MED24: variants seen among roughly 807,000 people sequenced by gnomAD.
MED24 encodes mediator complex subunit 24.
In MED24, 74 loss-of-function variants were observed where a neutral mutation model predicts 118.8. The ratio of observed to expected loss-of-function variants is 0.62; its 90% CI spans 0.52 to 0.76. The LOEUF is 0.76. MED24 is among the 30% of genes least tolerant of loss of function. MED24 has a pLI of 0.00. For synonymous variants in MED24, 521 were observed against 523.9 expected, an observed-to-expected ratio of 0.99 and a Z score of 0.08; for missense variants, 1,041 against 1,278.9, an observed-to-expected ratio of 0.81 and a Z score of 2.84.
At chr17:40,025,511 G>A (rs969015451) in intron 19 of MED24, among the ~76,000 whole-genome samples, 2 of 152,114 alleles carry the variant, frequency 1.3e-5, no homozygotes, top group African/African-American at 4.8e-5. Flanking sequence ...AAAGTAAAAT[G>A]GTAGTTACCA....
chr17:40,050,243 G>A (rs150580742), intron 3 of MED24, among the ~76,000 whole-genome samples: 1 of 151,164 alleles, frequency 6.6e-6, no homozygotes, highest in African/African-American at 2.4e-5. Flanking sequence ...GAGGTCAGGA[G>A]TTCGAGACCA....
At chr17:40,034,177 A>T (rs1033038087) in intron 6 of MED24, among the ~76,000 whole-genome samples, 19 of 152,188 alleles carry the variant, frequency 1.2e-4, no homozygotes, top group Non-Finnish European at 2.4e-4. Context: ...CATGGAGCAT[A>T]AAAGGGGGAA....
In MED24 at chr17:40,022,733, C is replaced by T; in HGVS notation, c.2344G>A (p.Val782Ile). 6.2e-7 allele frequency: 1 copy of T among 1,613,874 alleles called. No individual in the cohort carries two copies. ...CCAGGTAGGATGTGGCCCAGCAGGA[C>T]CAGGGTCACTTGCTGCATGTCCAGG... Reference protein sequence around the residue: ...FCLDMQQVTLVLLGHILPGLL... With the variant: ...FCLDMQQVTLILLGHILPGLL... Residue 782 changes from valine to isoleucine, a missense_variant, in exon 21 of 26, where the codon GTC (valine) becomes ATC (isoleucine). Around this residue, in one of 3 missense-constraint regions of MED24, gnomAD observed 587 missense variants for 694.4 expected, o/e 0.85. Coordinates refer to ENST00000394128, the MANE Select transcript of MED24 (RefSeq NM_014815.4).
At chr17:40,054,008 T>G in intron 1 of MED24, 1 of 290,550 alleles carries the variant, frequency 3.4e-6, no homozygotes, top group Non-Finnish European at 6.6e-6. Context: ...TGCATGCCTG[T>G]AATCCCAGCT....
chr17:40,021,359 A>G (rs1940252151), intron 23 of MED24: 1 of 152,332 alleles, frequency 6.6e-6, no homozygotes, highest in African/African-American at 2.4e-5. Context: ...TTGGTCCCCT[A>G]GTTCCTAAAA....
intron 1 of MED24, chr17:40,053,925 G>A (rs1986090700): frequency 3.6e-6 from 2 of 555,490 alleles, no homozygotes; most frequent in South Asian, 4.3e-5. Flanking sequence ...GAGGTCAGGA[G>A]TTCGAGACTA....
intron 3 of MED24, among the ~76,000 whole-genome samples, chr17:40,040,620 TTTTC>T (rs1984460097): frequency 6.6e-6 from 1 of 151,256 alleles, no homozygotes; most frequent in Non-Finnish European, 1.5e-5. Flanking sequence ...TTTAATTTTA[TTTTC>T]TTTTTTTTTT....
intron 18 of MED24, 22 bp from the exon 19 acceptor site, chr17:40,026,353 TG>T: frequency 6.2e-7 from 1 of 1,608,160 alleles, no homozygotes; most frequent in Non-Finnish European, 8.5e-7. Context: ...GGAAAGGTGA[TG>T]GGCTACCATC....
chr17:40,034,858 A>ACCCCCCCCC, intron 6 of MED24: 3 of 117,226 alleles, frequency 2.6e-5, no homozygotes, highest in Non-Finnish European at 5.3e-5. Context: ...GTAGCCCCCC[A>ACCCCCCCCC]CCCCCCACCC....
chr17:40,022,169 G>T, intron 22 of MED24, 115 bp from the exon 23 acceptor site: 1 of 928,836 alleles, frequency 1.1e-6, no homozygotes, highest in Non-Finnish European at 1.6e-6. Context: ...CAGGGCCTCA[G>T]CCCCTCTCTG....
intron 14 of MED24, 94 bp from the exon 15 acceptor site, chr17:40,028,040 A>T: frequency 7.9e-7 from 1 of 1,269,760 alleles, no homozygotes; most frequent in Non-Finnish European, 1.1e-6. Context: ...CGATAGCTAG[A>T]GTCTGAGTTA....
intron 14 of MED24, chr17:40,028,150 C>G (rs1203422660): frequency 1.9e-6 from 1 of 525,270 alleles, no homozygotes; most frequent in African/African-American, 1.9e-5. Flanking sequence ...GAGTCTCGCT[C>G]TGTCACCCAG....
At chr17:40,048,594 C>T (rs931015879) in intron 3 of MED24, among the ~76,000 whole-genome samples, 13 of 152,098 alleles carry the variant, frequency 8.5e-5, no homozygotes, top group African/African-American at 3.1e-4. Context: ...TGCTCTGTCA[C>T]CCAGGGTGGA....
At chr17:40,053,712 G>C in intron 1 of MED24, 77 bp from the exon 2 acceptor site, 1 of 1,555,306 alleles carries the variant, frequency 6.4e-7, no homozygotes, top group Non-Finnish European at 8.8e-7. Flanking sequence ...GAATTAAATA[G>C]AAAGGAGAAG....
rs751988661 is a variant in MED24, at chr17:40,023,272, G to A, written c.2109C>T (p.Pro703=). 6.2e-7 allele frequency: 1 copy of A among 1,613,852 alleles called. No homozygotes were observed. The highest frequency in any genetic ancestry group is 1.1e-5 in the South Asian group (1 of 91,068). Residue 703 remains proline (P), a synonymous_variant, in exon 20 of 26, where the codon CCC becomes CCT. Transcript: ENST00000394128. ...TCAGCACCTCTTTGATGGGCCGCTT[G>A]GGGGGCAGCAGGTTCCAGTAGGGCA... ...DTMPYWNLLP[P]KRPIKEVLTD...
intron 23 of MED24, chr17:40,020,568 G>A (rs1371852361): frequency 9.5e-6 from 10 of 1,048,864 alleles, no homozygotes; most frequent in Non-Finnish European, 1.4e-5. Context: ...CAGGAGGATC[G>A]CTTGAGTCCA....
intron 22 of MED24, 73 bp from the exon 23 acceptor site, chr17:40,022,127 A>G (rs1369563265): frequency 8.0e-7 from 1 of 1,247,672 alleles, no homozygotes; most frequent in African/African-American, 1.5e-5. Flanking sequence ...AAAGAGCTTG[A>G]GCTCCGATTT....
chr17:40,039,773 C>A (rs1226273396), intron 3 of MED24, among the ~76,000 whole-genome samples: 1 of 147,872 alleles, frequency 6.8e-6, no homozygotes, highest in Non-Finnish European at 1.5e-5. Context: ...TGCACACCAC[C>A]ATGCTTAATT....
chr17:40,023,155 G>T lies in MED24; in HGVS notation c.2226C>A (p.Tyr742Ter), dbSNP rs1292613954. 6.2e-7 allele frequency: 1 copy of T among 1,614,094 alleles called. No individual in the cohort carries two copies. The highest frequency in any genetic ancestry group is 8.5e-7 in the Non-Finnish European group (1 of 1,179,968). ...CCTTAATCAGGTTGTTGCAGAACCA[G>T]TAGACGCCGCCCATGTGCAGCAGGG... is the stretch of plus-strand genomic sequence containing the variant. ...FDTLLHMGGV[Y>*]WFCNNLIKEL... The change falls in exon 20 of 26, where the codon TAC becomes TAA. Residue 742 changes from tyrosine to a stop codon, truncating the protein, a stop_gained. Coordinates refer to ENST00000394128, the MANE Select transcript of MED24 (RefSeq NM_014815.4). LOFTEE classifies it high-confidence loss of function.
Sources: allele counts gnomAD v4.1 joint callset (sites outside exome capture counted in the v4.1 genomes callset), GRCh38; gene constraint gnomAD v4.1.1; regional missense constraint gnomAD v4.1.1; transcripts MANE v1.5; gene names NCBI Gene and HGNC (gene_info 2026-07-23, HGNC 2026-07-21).